The following UNC5C variants were observed in gnomAD, a reference collection of about 807,000 sequenced individuals.
UNC5C encodes unc-5 netrin receptor C, also known as netrin receptor UNC5C.
UNC5C carries 47 observed loss-of-function variants against 99.8 expected under a neutral mutation model. The observed-to-expected ratio is 0.47, with a 90% CI of 0.37 to 0.60. The LOEUF is 0.60. Among genes scored for constraint, UNC5C ranks in the 20% least tolerant of loss-of-function variants. The probability of loss-of-function intolerance (pLI) is 0.00; values close to 1 mark genes in which losing one functional copy is unlikely to be tolerated. For synonymous variants in UNC5C, 487 were observed against 452.2 expected, an observed-to-expected ratio of 1.08 and a Z score of -0.98; for missense variants, 1,062 against 1,165.9, an observed-to-expected ratio of 0.91 and a Z score of 1.30.
At chr4:95,323,468 A>G (rs1169852149) in intron 2 of UNC5C, among the ~76,000 whole-genome samples, 1 of 152,262 alleles carries the variant, frequency 6.6e-6, no homozygotes. Flanking sequence ...ATAAAAAATT[A>G]GTTTCACTCA....
intron 1 of UNC5C, among the ~76,000 whole-genome samples, 174 bp downstream of exon 1, chr4:95,548,560 T>A (rs73842334): frequency 0.01 from 1,575 of 151,622 alleles, 20 homozygotes; most frequent in African/African-American, 0.028. Context: ...TAATAATAAT[T>A]ATTATTATTA....
chr4:95,285,166 A>G (rs1452404542), intron 3 of UNC5C, among the ~76,000 whole-genome samples: 1 of 152,212 alleles, frequency 6.6e-6, no homozygotes, highest in Non-Finnish European at 1.5e-5. Context: ...ATGCAGAAAG[A>G]TTTATTTATT....
chr4:95,500,460 A>T (rs960439077), intron 1 of UNC5C, among the ~76,000 whole-genome samples: 3 of 151,848 alleles, frequency 2.0e-5, no homozygotes, highest in Non-Finnish European at 2.9e-5. Context: ...TTCCCAAAAA[A>T]CTCTGCCTGC....
chr4:95,291,537 A>G (rs1481567137), intron 3 of UNC5C, among the ~76,000 whole-genome samples: 1 of 152,202 alleles, frequency 6.6e-6, no homozygotes, highest in African/African-American at 2.4e-5. Flanking sequence ...ACTGTGTTCT[A>G]TGAATTCGTT....
In UNC5C at chr4:95,478,775, T is replaced by C. The variant is rs77654104; in HGVS notation, c.124+69959A>G. Among the ~76,000 whole-genome samples, 292 of 152,190 alleles carry C rather than the reference T, an allele frequency of 1.9e-3. 5 individuals carry two copies. In the East Asian group the frequency reaches 0.049, roughly 26 times the overall value. ...ATATCTATCCCTTTCAAATCTCATA[T>C]GAAAATTTGATCCCCAGTGTTGGAG... On this transcript the variant is annotated intron_variant, in intron 1 of 15. Transcript: ENST00000453304.
At chr4:95,284,785 C>T (rs10029209) in intron 3 of UNC5C, among the ~76,000 whole-genome samples, 3,212 of 152,180 alleles carry the variant, frequency 0.021, 114 homozygotes, top group African/African-American at 0.073. Flanking sequence ...GAGGAAAATG[C>T]CTATCCAAAA....
intron 1 of UNC5C, among the ~76,000 whole-genome samples, chr4:95,447,765 G>T (rs563072479): frequency 1.3e-5 from 2 of 152,264 alleles, no homozygotes; most frequent in South Asian, 4.1e-4. Context: ...CTTCCAAAGT[G>T]CTGGGATTAT....
At position 95,219,200 on chromosome 4, in the gene UNC5C, C is replaced by A. The variant is rs1008338067; in HGVS notation, c.1414G>T (p.Asp472Tyr). ...KIPMTNSPIL[D>Y]PLPNLKIKVY... ...TTGATTTTCAGGTTGGGCAGTGGAT[C>A]CAGAATTGGAGAGTTGGTCATTGGG... Residue 472 changes from aspartate to tyrosine, a missense_variant, in exon 9 of 16, where the codon GAT becomes TAT. Physicochemically the swap from Asp to Tyr is radical, Grantham distance 160. This residue lies in a region of UNC5C where 810 missense variants were observed against 854.5 expected (regional missense o/e 0.95). Transcript: ENST00000453304. The A allele has an allele frequency of 6.2e-7, 1 of 1,614,126 alleles. No individual in the cohort carries two copies.
intron 1 of UNC5C, among the ~76,000 whole-genome samples, chr4:95,508,431 C>T (rs940643675): frequency 7.2e-5 from 11 of 151,846 alleles, no homozygotes; most frequent in Non-Finnish European, 1.6e-4. Context: ...GCCTAAATCC[C>T]TTAACCTGGC....
chr4:95,244,940 T>A, intron 6 of UNC5C, 37 bp downstream of exon 6: 1 of 1,610,122 alleles, frequency 6.2e-7, no homozygotes, highest in Non-Finnish European at 8.5e-7. Flanking sequence ...TCTTGAATAA[T>A]AGGAGATACT....
At chr4:95,446,712 G>T (rs1014740085) in intron 1 of UNC5C, among the ~76,000 whole-genome samples, 1 of 152,210 alleles carries the variant, frequency 6.6e-6, no homozygotes, top group African/African-American at 2.4e-5. Context: ...CAACTATAGT[G>T]GTTACACACT....
At chr4:95,488,152 A>G (rs1721377879) in intron 1 of UNC5C, among the ~76,000 whole-genome samples, 1 of 151,762 alleles carries the variant, frequency 6.6e-6, no homozygotes, top group Non-Finnish European at 1.5e-5. Context: ...TCCTGGAAAT[A>G]TTCTGAAAAT....
chr4:95,476,103 T>C (rs1393548871), intron 1 of UNC5C, among the ~76,000 whole-genome samples: 1 of 152,128 alleles, frequency 6.6e-6, no homozygotes, highest in Non-Finnish European at 1.5e-5. Flanking sequence ...TTTGTTCAAC[T>C]CCTTACTTCA....
Position 95,371,955 on chromosome 4 carries a change from T to C in UNC5C, c.125-36324A>G, listed in dbSNP as rs76602171. On this transcript the variant is annotated intron_variant, in intron 1 of 15. Coordinates refer to ENST00000453304, the MANE Select transcript of UNC5C (RefSeq NM_003728.4). ...GCTATGTGTCTTTCTGATTTCTACA[T>C]TGTAATGCAGCCAGCCCCAGAGCCA... Among the ~76,000 whole-genome samples the C allele has an allele frequency of 1.2e-4, 19 of 152,350 alleles. No homozygotes were observed. The East Asian group carries it at 1.3e-3, about 11-fold the overall frequency.
At chr4:95,541,263 G>A (rs569164854) in intron 1 of UNC5C, among the ~76,000 whole-genome samples, 3 of 152,178 alleles carry the variant, frequency 2.0e-5, no homozygotes, top group Non-Finnish European at 4.4e-5. Context: ...TCTGAGTAGC[G>A]TGACAAAATC....
At chr4:95,386,639 AT>A (rs1579375354) in intron 1 of UNC5C, among the ~76,000 whole-genome samples, 1 of 152,102 alleles carries the variant, frequency 6.6e-6, no homozygotes, top group East Asian at 1.9e-4. Context: ...GATGCAGATG[AT>A]CTCTCTTTCT....
rs558049803 is a variant in UNC5C, at chr4:95,426,228, T to C, written c.125-90597A>G. ...TATAATTAAATCTGCCATGGTGATC[T>C]TTGATCAGTGATCTTTGAGGTTACT... is the stretch of plus-strand genomic sequence containing the variant. On this transcript the variant is annotated intron_variant, in intron 1 of 15. Transcript: ENST00000453304. Among the ~76,000 whole-genome samples the C allele has an allele frequency of 7.2e-5, 11 of 152,352 alleles. No individual in the cohort carries two copies. The South Asian group carries it at 2.3e-3, about 32-fold the overall frequency.
At chr4:95,336,686 T>A (rs1743362212) in intron 1 of UNC5C, among the ~76,000 whole-genome samples, 1 of 151,908 alleles carries the variant, frequency 6.6e-6, no homozygotes, top group Admixed American at 6.6e-5. Context: ...ATAGTAATGA[T>A]GTCCGGTCTC....
chr4:95,380,443 AT>A (rs10560399), intron 1 of UNC5C, among the ~76,000 whole-genome samples: 8,510 of 132,842 alleles, frequency 0.064, 221 homozygotes, highest in South Asian at 0.16. Context: ...CTTAAGAAAC[AT>A]TTTTTTTTTT....
Sources: allele counts gnomAD v4.1 joint callset (sites outside exome capture counted in the v4.1 genomes callset), GRCh38; gene constraint gnomAD v4.1.1; regional missense constraint gnomAD v4.1.1; transcripts MANE v1.5; gene names NCBI Gene and HGNC (gene_info 2026-07-23, HGNC 2026-07-21).